Variants in OPCML observed in about 807,000 individuals in gnomAD.
OPCML encodes the protein opioid binding protein/cell adhesion molecule like.
A neutral mutation model predicts 37.8 loss-of-function variants in OPCML; 13 were observed. That is an observed-to-expected ratio of 0.34 (90% confidence interval 0.22 to 0.55). The LOEUF is 0.55. OPCML is among the 20% of genes least tolerant of loss of function. The probability of loss-of-function intolerance (pLI) is 0.91; values close to 1 mark genes in which losing one functional copy is unlikely to be tolerated. For missense variants in OPCML, 341 were observed against 435.6 expected (o/e 0.78, Z 1.93); for synonymous variants, 176 against 168.8 (o/e 1.04, Z -0.33).
intron 2 of OPCML, among the ~76,000 whole-genome samples, chr11:132,912,091 G>A (rs1944446395): frequency 6.6e-6 from 1 of 151,770 alleles, no homozygotes; most frequent in African/African-American, 2.4e-5. Context: ...ATCCTATACA[G>A]CAACTCATGG....
intron 1 of OPCML, among the ~76,000 whole-genome samples, chr11:133,160,235 T>C (rs1950123216): frequency 6.6e-6 from 1 of 152,144 alleles, no homozygotes; most frequent in South Asian, 2.1e-4. Context: ...GCGAAGTAAA[T>C]CCATCCAGGG....
intron 1 of OPCML, among the ~76,000 whole-genome samples, chr11:133,128,386 A>G (rs1402006410): frequency 6.6e-6 from 1 of 152,154 alleles, no homozygotes; most frequent in Non-Finnish European, 1.5e-5. Context: ...TTTCGAATGT[A>G]AAAAGTAGGA....
Position 132,924,328 on chromosome 11 carries a change from G to A in OPCML, c.146+18598C>T, listed in dbSNP as rs1000614973. Among the ~76,000 whole-genome samples the A allele has an allele frequency of 2.0e-3, 297 of 152,142 alleles. 4 individuals are homozygous for A. The highest frequency in any genetic ancestry group is 4.4e-4 in the Non-Finnish European group (30 of 68,002). ...CTCCTCTTCTTTTTCTTGAAATGGGGTCTAGGTCTCTGTTGTTGCTCAGAC... is the reference window on the plus strand; with the variant it reads ...CTCCTCTTCTTTTTCTTGAAATGGGATCTAGGTCTCTGTTGTTGCTCAGAC... On this transcript the variant is annotated intron_variant, in intron 2 of 7. Transcript: ENST00000524381.
chr11:132,511,604 T>C (rs2155539), intron 4 of OPCML, among the ~76,000 whole-genome samples: 31,683 of 151,770 alleles, frequency 0.21, 3,393 homozygotes, highest in Non-Finnish European at 0.23. Context: ...CAGAAAGAAA[T>C]CAGTCAATTG....
chr11:132,720,306 G>A (rs1272301787), intron 2 of OPCML, among the ~76,000 whole-genome samples: 1 of 152,196 alleles, frequency 6.6e-6, no homozygotes, highest in Non-Finnish European at 1.5e-5. Context: ...CCTGGCCACA[G>A]CCCTCTCTCC....
Position 133,177,330 on chromosome 11 carries a change from TGAAG to T in OPCML, c.62-234324_62-234321del, listed in dbSNP as rs1336194551. ...AAGGACTTTTTAAGATTCTATCATT[TGAAG>T]GAAGGAAGTGGAGAGGGCTATAAAT... On this transcript the variant is annotated intron_variant, in intron 1 of 7. Transcript: ENST00000524381. The surrounding 1 kb of genome is among the most constrained non-coding windows in gnomAD (Gnocchi z 5.0). Among the ~76,000 whole-genome samples the T allele has an allele frequency of 6.6e-6, 1 of 152,158 alleles. No individual in the cohort carries two copies. The highest frequency in any genetic ancestry group is 1.5e-5 in the Non-Finnish European group (1 of 68,026).
chr11:132,496,470 T>A (rs1163095088), intron 4 of OPCML, among the ~76,000 whole-genome samples: 2 of 152,220 alleles, frequency 1.3e-5, no homozygotes, highest in Non-Finnish European at 2.9e-5. Flanking sequence ...ATTTGGCTTC[T>A]CCTAGAACAC....
intron 1 of OPCML, among the ~76,000 whole-genome samples, chr11:133,314,713 C>T (rs112372471): frequency 2.2e-4 from 33 of 152,322 alleles, no homozygotes; most frequent in Admixed American, 2.0e-3. Flanking sequence ...TGGTCTCCCC[C>T]ACAGAACCAT....
At chr11:133,013,767 G>T (rs1947265608) in intron 1 of OPCML, among the ~76,000 whole-genome samples, 1 of 152,188 alleles carries the variant, frequency 6.6e-6, no homozygotes, top group African/African-American at 2.4e-5. Flanking sequence ...TGTACCTGCT[G>T]CAGGTGATGA....
chr11:132,783,903 A>T (rs188341833), intron 2 of OPCML, among the ~76,000 whole-genome samples: 8 of 152,324 alleles, frequency 5.3e-5, no homozygotes, highest in Non-Finnish European at 1.2e-4. Flanking sequence ...TAAAAAATCA[A>T]TGCAACTTTA....
chr11:133,103,643 A>T (rs1565448593), intron 1 of OPCML, among the ~76,000 whole-genome samples: 1 of 152,216 alleles, frequency 6.6e-6, no homozygotes, highest in Non-Finnish European at 1.5e-5. Flanking sequence ...TCTTTGCAAG[A>T]TTTCATGTGT....
chr11:133,342,774 C>A (rs1943902776), intron 1 of OPCML, among the ~76,000 whole-genome samples: 1 of 152,056 alleles, frequency 6.6e-6, no homozygotes, highest in African/African-American at 2.4e-5. Context: ...CCGAGAAGGC[C>A]GTTTGGGACA....
chr11:133,378,090 T>TAA (rs1444833861), intron 1 of OPCML, among the ~76,000 whole-genome samples: 1 of 152,260 alleles, frequency 6.6e-6, no homozygotes, highest in African/African-American at 2.4e-5. Flanking sequence ...TTTTTCTTTT[T>TAA]ATGCGTCAGG....
Position 132,673,093 on chromosome 11 carries a change from T to C in OPCML, c.147-15774A>G, listed in dbSNP as rs191860500. ...CAATGCATATTAGCAATAAGGTTAA[T>C]GCTACACACCTTATTTGGTACAGTT... On this transcript the variant is annotated intron_variant, in intron 2 of 7. Transcript: ENST00000524381. 3.9e-5 allele frequency among the ~76,000 whole-genome samples: 6 copies of C among 152,286 alleles called. No individual in the cohort carries two copies. The East Asian group carries it at 1.2e-3, about 29-fold the overall frequency.
In OPCML at chr11:133,158,849, G is replaced by A. The variant is rs183176861; in HGVS notation, c.62-215839C>T. Among the ~76,000 whole-genome samples the A allele has an allele frequency of 3.5e-3, 531 of 152,286 alleles. 3 individuals are homozygous for A. The highest frequency in any genetic ancestry group is 6.5e-3 in the Non-Finnish European group (443 of 68,014). On this transcript the variant is annotated intron_variant, in intron 1 of 7. Transcript: ENST00000524381. Reference sequence around the variant, plus strand: ...GAACCCCTCTCAGGGAGGGCTGACTGCTTTCCTCCTGTCTGGAGGGGGCCA... The same window carrying A: ...GAACCCCTCTCAGGGAGGGCTGACTACTTTCCTCCTGTCTGGAGGGGGCCA...
intron 1 of OPCML, among the ~76,000 whole-genome samples, chr11:133,484,305 G>T (rs1366323910): frequency 6.6e-6 from 1 of 152,110 alleles, no homozygotes; most frequent in African/African-American, 2.4e-5. Flanking sequence ...CAAGAAAAAG[G>T]TCTTAACTGC....
intron 1 of OPCML, among the ~76,000 whole-genome samples, chr11:133,190,589 C>T (rs990373404): frequency 7.9e-5 from 12 of 152,162 alleles, no homozygotes; most frequent in Admixed American, 5.2e-4. Flanking sequence ...ACATTTTCAT[C>T]ACCCCAGAAA....
chr11:132,942,494 G>A (rs927455270), intron 2 of OPCML, among the ~76,000 whole-genome samples: 1 of 152,152 alleles, frequency 6.6e-6, no homozygotes, highest in Admixed American at 6.5e-5. Flanking sequence ...CACATTTGAG[G>A]TGCATCTCTG....
At chr11:133,002,693 TGTGTGG>T (rs533378952) in intron 1 of OPCML, among the ~76,000 whole-genome samples, 91 of 151,596 alleles carry the variant, frequency 6.0e-4, no homozygotes, top group South Asian at 5.0e-3. Flanking sequence ...AGATAATATA[TGTGTGG>T]GTGTGAATGT....
Sources: gnomAD v4.1 joint callset for allele counts (sites outside exome capture counted in the v4.1 genomes callset) on GRCh38, gnomAD v4.1.1 for gene constraint, Gnocchi (gnomAD v3.1) non-coding constraint, MANE v1.5 for transcripts, NCBI Gene and HGNC (gene_info 2026-07-23, HGNC 2026-07-21) for gene names.